The following SLC66A1 variants were observed in gnomAD, a reference collection of about 807,000 sequenced individuals.
SLC66A1 encodes the protein solute carrier family 66 member 1.
SLC66A1 carries 23 observed loss-of-function variants against 33.0 expected under a neutral mutation model. The observed-to-expected ratio is 0.70, with a 90% confidence interval of 0.50 to 0.99. SLC66A1 has a LOEUF of 0.99. Ranked by LOEUF, SLC66A1 falls within the 50% of genes least tolerant of loss-of-function variation. The probability of loss-of-function intolerance (pLI) is 0.00; values close to 1 mark genes in which losing one functional copy is unlikely to be tolerated. For missense variants in SLC66A1, 335 were observed against 383.6 expected, an observed-to-expected ratio of 0.87 and a Z score of 1.06; for synonymous variants, 164 against 175.5, an observed-to-expected ratio of 0.93 and a Z score of 0.52.
At chr1:19,330,519 T>C (rs61766662), downstream of SLC66A1, among the ~76,000 whole-genome samples, 39,156 of 151,966 alleles carry the variant, frequency 0.26, 5,587 homozygotes, top group South Asian at 0.33. Flanking sequence ...AAGGTAGAAA[T>C]GTCAGGAAAT....
chr1:19,320,407 C>T (rs2093828208), intron 2 of SLC66A1, among the ~76,000 whole-genome samples: 1 of 143,972 alleles, frequency 6.9e-6, no homozygotes, highest in Non-Finnish European at 1.5e-5. Flanking sequence ...ACACTGGTGG[C>T]CTGTCTTTTT....
rs751910397 is a variant in SLC66A1, at chr1:19,328,609, C to T, written c.842C>T (p.Ala281Val). 5.0e-6 allele frequency: 8 copies of T among 1,613,724 alleles called. No individual in the cohort carries two copies. The East Asian group carries it at 1.8e-4, about 36-fold the overall frequency. Residue 281 changes from alanine to valine, a missense_variant, in exon 8 of 8, where the codon GCC (alanine) becomes GTC (valine). Coordinates refer to ENST00000375153, the MANE Select transcript of SLC66A1 (RefSeq NM_001040125.2). This position sits in a 1 kb window ranked among gnomAD's most constrained non-coding sequence, Gnocchi z 4.7. ...TTCCTGGTGTACAGGCGCAGCACCG[C>T]CGCCTCGGAGCTTGAGCCCCTCCTC... ...IQFLVYRRST[A>V]ASELEPLLPS is the part of the protein sequence containing the mutation.
chr1:19,319,605 G>GT lies in SLC66A1; in HGVS notation c.164+1780dup, dbSNP rs569177720. On this transcript the variant is annotated intron_variant, in intron 2 of 7. Coordinates refer to ENST00000375153, the MANE Select transcript of SLC66A1 (RefSeq NM_001040125.2). The stretch of plus-strand genomic sequence containing the variant: ...GATTAATGTTGCTGTGCACATTCAT[G>GT]TTTTTTTTTTTTTTTTGCCTGGTGC... Among the ~76,000 whole-genome samples the GT allele has an allele frequency of 1.9e-3, 214 of 111,838 alleles. 7 individuals carry two copies. The highest frequency in any genetic ancestry group is 5.3e-3 in the Middle Eastern group (1 of 188). The allele number at this position is 111,838 out of a possible 152,430, so 73.4% of individuals were successfully genotyped here. A position where few individuals can be genotyped will look rare whatever the true frequency, so the allele number is the denominator to read the frequency against.
At chr1:19,315,074 A>T (rs2093798067) in intron 1 of SLC66A1, among the ~76,000 whole-genome samples, 1 of 151,938 alleles carries the variant, frequency 6.6e-6, no homozygotes, top group African/African-American at 2.4e-5. Context: ...ACGCCTGGCT[A>T]ATTTTTGTAT....
At chr1:19,323,084 G>A (rs1039476998) in intron 2 of SLC66A1, among the ~76,000 whole-genome samples, 24 of 151,862 alleles carry the variant, frequency 1.6e-4, no homozygotes, top group African/African-American at 5.3e-4. Flanking sequence ...TTGCTGTGTT[G>A]CCCAGGCTGG....
downstream of SLC66A1, among the ~76,000 whole-genome samples, chr1:19,332,638 C>G (rs952276783): frequency 6.6e-6 from 1 of 152,184 alleles, no homozygotes; most frequent in Non-Finnish European, 1.5e-5. Context: ...AAAGGCGAAT[C>G]TCATCGATGG....
chr1:19,326,691 G>A, intron 6 of SLC66A1, 68 bp downstream of exon 6: 1 of 1,503,032 alleles, frequency 6.7e-7, no homozygotes, highest in Non-Finnish European at 9.2e-7. Context: ...CGGGCCCTCT[G>A]GGCTAAGGAG....
intron 3 of SLC66A1, 124 bp downstream of exon 3, chr1:19,324,886 T>C: frequency 1.5e-6 from 2 of 1,331,158 alleles, no homozygotes; most frequent in South Asian, 1.4e-5. Flanking sequence ...TCATTCCATC[T>C]TGTGGGAGGG....
intron 2 of SLC66A1, among the ~76,000 whole-genome samples, chr1:19,318,726 T>A (rs1171434134): frequency 6.6e-6 from 1 of 150,578 alleles, no homozygotes; most frequent in Non-Finnish European, 1.5e-5. Context: ...GGCAGGAGGA[T>A]CACTTGAGGT....
Position 19,327,212 on chromosome 1 carries a change from C to A in SLC66A1, c.619-15C>A. On this transcript the variant is annotated splice_polypyrimidine_tract_variant and intron_variant, in intron 6 of 7. Coordinates refer to ENST00000375153, the MANE Select transcript of SLC66A1 (RefSeq NM_001040125.2). Reference sequence around the variant, plus strand: ...GCCTGTTCGAGGTCTCTGACCTGACCTCCTCCTGCCCCAGTTCCTCCGGAA... The same window carrying A: ...GCCTGTTCGAGGTCTCTGACCTGACATCCTCCTGCCCCAGTTCCTCCGGAA... The A allele has an allele frequency of 6.2e-7, 1 of 1,609,172 alleles. No individual in the cohort carries two copies.
intron 7 of SLC66A1, 130 bp downstream of exon 7, chr1:19,327,542 T>G: frequency 1.2e-6 from 1 of 841,700 alleles, no homozygotes; most frequent in Non-Finnish European, 1.7e-6. Flanking sequence ...CCTCCCTCCC[T>G]CCCTCCCTCC....
chr1:19,325,626 AG>A, intron 4 of SLC66A1, 44 bp downstream of exon 4: 1 of 921,218 alleles, frequency 1.1e-6, no homozygotes, highest in Non-Finnish European at 1.6e-6. Context: ...TACCAGCAGC[AG>A]GGGGCAGTTG....
chr1:19,333,366 A>G (rs1021861913), downstream of SLC66A1, among the ~76,000 whole-genome samples: 3 of 151,890 alleles, frequency 2.0e-5, no homozygotes, highest in Non-Finnish European at 4.4e-5. The surrounding 1 kb of genome is among the most constrained non-coding windows in gnomAD (Gnocchi z 4.2). Flanking sequence ...TTTGGTAGAG[A>G]TGGGGTTTCG....
intron 4 of SLC66A1, 34 bp downstream of exon 4, chr1:19,325,616 T>G: frequency 9.1e-7 from 1 of 1,095,504 alleles, no homozygotes; most frequent in Non-Finnish European, 1.3e-6. Context: ...TCAGATGCTC[T>G]ACCAGCAGCA....
rs567445841 is a variant in SLC66A1 at position 19,326,146 on chromosome 1, A to T, written c.383-99A>T. 198 of 1,184,676 alleles carry T rather than the reference A, an allele frequency of 1.7e-4. 4 individuals are homozygous for T. The South Asian group carries it at 1.7e-3, about 10-fold the overall frequency. The allele number at this position is 1,184,676 out of a possible 1,614,324, so 73.4% of individuals were successfully genotyped here. On this transcript the variant is annotated intron_variant, in intron 4 of 7. Coordinates refer to ENST00000375153, the MANE Select transcript of SLC66A1 (RefSeq NM_001040125.2). ...GAGGTTAGGTCACTTGCCCAAGGTC[A>T]CACAGCCCCTGAGGGGCAAGGCCAG...
At chr1:19,322,376 G>GC (rs1439301234) in intron 2 of SLC66A1, among the ~76,000 whole-genome samples, 1 of 152,112 alleles carries the variant, frequency 6.6e-6, no homozygotes, top group African/African-American at 2.4e-5. Context: ...GAGGGTGGCT[G>GC]CCCCCCTGGT....
downstream of SLC66A1, among the ~76,000 whole-genome samples, chr1:19,333,370 G>T (rs2093897392): frequency 1.3e-5 from 2 of 152,060 alleles, no homozygotes; most frequent in African/African-American, 4.8e-5. This position sits in a 1 kb window ranked among gnomAD's most constrained non-coding sequence, Gnocchi z 4.2. Flanking sequence ...GTAGAGATGG[G>T]GTTTCGCCAT....
intron 2 of SLC66A1, among the ~76,000 whole-genome samples, chr1:19,320,720 T>C (rs1458434698): frequency 7.0e-6 from 1 of 142,010 alleles, no homozygotes; most frequent in Non-Finnish European, 1.5e-5. Flanking sequence ...TGGCCTCACT[T>C]CTTTTTTTTT....
intron 2 of SLC66A1, among the ~76,000 whole-genome samples, chr1:19,320,091 G>A (rs1006140556): frequency 2.9e-4 from 44 of 151,274 alleles, no homozygotes; most frequent in Non-Finnish European, 5.8e-4. Context: ...GGTAGAGCTG[G>A]GGCTTCACCA....
Sources: gnomAD v4.1 joint callset for allele counts (sites outside exome capture counted in the v4.1 genomes callset) on GRCh38, gnomAD v4.1.1 for gene constraint, Gnocchi (gnomAD v3.1) non-coding constraint, MANE v1.5 for transcripts, NCBI Gene and HGNC (gene_info 2026-07-23, HGNC 2026-07-21) for gene names.